The following TRIM24 variants were observed in gnomAD, a reference collection of about 807,000 sequenced individuals.
TRIM24 encodes the protein tripartite motif containing 24.
A neutral mutation model predicts 123.9 loss-of-function variants in TRIM24; 29 were observed. The ratio of observed to expected loss-of-function variants is 0.23; its 90% CI spans 0.17 to 0.32. TRIM24 has a LOEUF of 0.32. TRIM24 is among the 10% of genes least tolerant of loss of function. The probability of loss-of-function intolerance (pLI) is 1.00; values close to 1 mark genes in which losing one functional copy is unlikely to be tolerated. For synonymous variants in TRIM24, 456 were observed against 461.1 expected (o/e 0.99, Z 0.14); for missense variants, 932 against 1,295.3 (o/e 0.72, Z 4.31).
At chr7:138,481,088 G>T (rs2116477068) in intron 1 of TRIM24, among the ~76,000 whole-genome samples, 1 of 152,196 alleles carries the variant, frequency 6.6e-6, no homozygotes, top group African/African-American at 2.4e-5. Context: ...TGACCCCCAG[G>T]TTCAAGCGAT....
At chr7:138,493,024 G>A (rs528735681) in intron 1 of TRIM24, among the ~76,000 whole-genome samples, 4 of 152,120 alleles carry the variant, frequency 2.6e-5, no homozygotes, top group East Asian at 3.9e-4. Context: ...TTGTACTGCT[G>A]TATGAATTTT....
At chr7:138,544,095 T>A (rs747972875) in intron 7 of TRIM24, among the ~76,000 whole-genome samples, 1 of 152,174 alleles carries the variant, frequency 6.6e-6, no homozygotes, top group South Asian at 2.1e-4. Flanking sequence ...TACAGTGTTA[T>A]TAACTGTAGT....
At chr7:138,477,209 C>G (rs939639352) in intron 1 of TRIM24, among the ~76,000 whole-genome samples, 5 of 152,030 alleles carry the variant, frequency 3.3e-5, no homozygotes, top group African/African-American at 1.2e-4. Flanking sequence ...TAATCCCACA[C>G]TTTGGGAGGC....
chr7:138,532,058 GGTT>G (rs1796759073), intron 6 of TRIM24, among the ~76,000 whole-genome samples: 1 of 151,814 alleles, frequency 6.6e-6, no homozygotes, highest in Non-Finnish European at 1.5e-5. Context: ...TTTTTGATGG[GGTT>G]GTTTGTTTTT....
At position 138,460,791 on chromosome 7, in the gene TRIM24, CCTGCCCGCGCCCCAGCGCTACCTCATG is replaced by C. The variant is rs1375118721; in HGVS notation, c.256_282del (p.Gln86_Pro94del). 7.6e-6 allele frequency: 12 copies of C among 1,583,584 alleles called. No homozygotes were observed. The highest frequency in any genetic ancestry group is 2.4e-5 in the East Asian group (1 of 41,222). The stretch of plus-strand genomic sequence containing the variant: ...GCCTGCACTCTTTCTGCCAGCGCTG[CCTGCCCGCGCCCCAGCGCTACCTCATG>C]CTGCCCGCGCCCATGCTGGGCTCGG... On this transcript the variant is annotated inframe_deletion, in exon 1 of 19. Transcript: ENST00000343526.
chr7:138,537,379 GTTTTTTTTTTT>G lies in TRIM24; in HGVS notation c.997-1259_997-1249del, dbSNP rs71177994. 1.3e-3 allele frequency among the ~76,000 whole-genome samples: 71 copies of G among 56,632 alleles called. No homozygotes were observed. In the South Asian group the frequency reaches 0.025, roughly 20 times the overall value. 37.2% of individuals were successfully genotyped at this position (56,632 alleles called of 152,430 possible). A position where few individuals can be genotyped will look rare whatever the true frequency, so the allele number is the denominator to read the frequency against. On this transcript the variant is annotated intron_variant, in intron 6 of 18. Coordinates refer to ENST00000343526, the MANE Select transcript of TRIM24 (RefSeq NM_015905.3). The stretch of plus-strand genomic sequence containing the variant: ...AACCACTCCTCCGCCACCCCTGTTT[GTTTTTTTTTTT>G]TTTTTTTTTTTTTTTTTTGTAAAGA...
At chr7:138,503,474 T>C (rs777575973) in intron 1 of TRIM24, among the ~76,000 whole-genome samples, 3 of 152,134 alleles carry the variant, frequency 2.0e-5, no homozygotes, top group Non-Finnish European at 1.5e-5. Flanking sequence ...TTTTTTTTCA[T>C]TAAATGTTTG....
At chr7:138,480,594 T>C (rs1362479661) in intron 1 of TRIM24, among the ~76,000 whole-genome samples, 1 of 152,184 alleles carries the variant, frequency 6.6e-6, no homozygotes, top group Non-Finnish European at 1.5e-5. Flanking sequence ...TGTTCGTATA[T>C]GTGAGTCCTG....
At chr7:138,555,015 T>G in intron 9 of TRIM24, 49 bp downstream of exon 9, 5 of 1,551,154 alleles carry the variant, frequency 3.2e-6, no homozygotes, top group Non-Finnish European at 4.4e-6. Context: ...ATAGTATAAT[T>G]GTGTTTAGCA....
At position 138,584,736 on chromosome 7, in the gene TRIM24, C is replaced by G. The variant is rs1484542383; in HGVS notation, c.2944-6C>G. 6.3e-7 allele frequency: 1 copy of G among 1,592,906 alleles called. No homozygotes were observed. The highest frequency in any genetic ancestry group is 1.8e-5 in the Admixed American group (1 of 55,222). On this transcript the variant is annotated splice_region_variant and splice_polypyrimidine_tract_variant and intron_variant, in intron 18 of 18. Coordinates refer to ENST00000343526, the MANE Select transcript of TRIM24 (RefSeq NM_015905.3). ...TTTTTTACTCATTTTTATTTTTACT[C>G]CACAGCCTGATTCAGAAGTAGCCAA...
intron 1 of TRIM24, among the ~76,000 whole-genome samples, chr7:138,503,833 G>A (rs1257985348): frequency 1.3e-5 from 2 of 152,224 alleles, no homozygotes; most frequent in East Asian, 3.9e-4. Flanking sequence ...AATACTATTT[G>A]CATTTGTTAA....
chr7:138,584,983 AG>A lies in TRIM24; in HGVS notation c.*33del, dbSNP rs1198742950. 1.3e-6 allele frequency: 2 copies of A among 1,551,806 alleles called. No homozygotes were observed. The highest frequency in any genetic ancestry group is 1.7e-6 in the Non-Finnish European group (2 of 1,152,756). On this transcript the variant is annotated 3_prime_UTR_variant, in exon 19 of 19. Coordinates refer to ENST00000343526, the MANE Select transcript of TRIM24 (RefSeq NM_015905.3). ...GCACCACTAGCTTGTGCTGGTTTTT[AG>A]ATTTTTTTGTTTTCAAAAAAACATT...
chr7:138,508,138 C>T (rs1207564064), intron 2 of TRIM24, among the ~76,000 whole-genome samples: 1 of 152,078 alleles, frequency 6.6e-6, no homozygotes, highest in Non-Finnish European at 1.5e-5. Flanking sequence ...CACTTGCTTT[C>T]CTTTTCTTCC....
At chr7:138,561,419 G>A (rs1797425050) in intron 9 of TRIM24, among the ~76,000 whole-genome samples, 1 of 152,210 alleles carries the variant, frequency 6.6e-6, no homozygotes, top group African/African-American at 2.4e-5. Context: ...AAGGTAGCCA[G>A]GTTTAGGGTA....
chr7:138,504,493 T>C (rs1584705163), intron 2 of TRIM24, 85 bp downstream of exon 2: 1 of 862,870 alleles, frequency 1.2e-6, no homozygotes, highest in Non-Finnish European at 1.7e-6. Context: ...TCTCATTCAT[T>C]CTGTTGCCCA....
rs1554436687 is a variant in TRIM24, at chr7:138,508,708, C to CGTGTGTGTGCGT, written c.483+4309_483+4310insCGTGTGTGTGTG. ...GTGTGTGTGTGCGCGCGCGTGTGTG[C>CGTGTGTGTGCGT]GTGTGTGTGTGCGTGTGTGTGTGTG... is the stretch of plus-strand genomic sequence containing the variant. On this transcript the variant is annotated intron_variant, in intron 2 of 18. Transcript: ENST00000343526. 5.1e-4 allele frequency among the ~76,000 whole-genome samples: 69 copies of CGTGTGTGTGCGT among 136,192 alleles called. 1 individual carries two copies. The highest frequency in any genetic ancestry group is 9.5e-4 in the Non-Finnish European group (60 of 63,084). The allele number at this position is 136,192 out of a possible 152,430, so 89.3% of individuals were successfully genotyped here. A position where few individuals can be genotyped will look rare whatever the true frequency, so the allele number is the denominator to read the frequency against.
At chr7:138,576,505 C>A in intron 13 of TRIM24, 60 bp downstream of exon 13, 2 of 1,464,050 alleles carry the variant, frequency 1.4e-6, no homozygotes, top group Non-Finnish European at 1.9e-6. Context: ...TTTCTTTTGC[C>A]AGTGTTCAAC....
At chr7:138,551,710 G>C (rs181162555) in intron 8 of TRIM24, among the ~76,000 whole-genome samples, 91 of 152,158 alleles carry the variant, frequency 6.0e-4, no homozygotes, top group African/African-American at 2.0e-3. Context: ...TGTTCTCTTA[G>C]CTCTAAATTT....
chr7:138,531,422 G>C lies in TRIM24; in HGVS notation c.996+2192G>C, dbSNP rs1055091065. Among the ~76,000 whole-genome samples, 26 of 133,736 alleles carry C rather than the reference G, an allele frequency of 1.9e-4. No individual in the cohort carries two copies. In the South Asian group the frequency reaches 2.1e-3, roughly 11 times the overall value. The allele number at this position is 133,736 out of a possible 152,430, so 87.7% of individuals were successfully genotyped here. A position where few individuals can be genotyped will look rare whatever the true frequency, so the allele number is the denominator to read the frequency against. ...GTGATGCTCCCCTTCCTGTGTCCAA[G>C]TGTTCTCATTGTTCAATTCCCACCT... On this transcript the variant is annotated intron_variant, in intron 6 of 18. Transcript: ENST00000343526.
Sources: gnomAD v4.1 joint callset for allele counts (sites outside exome capture counted in the v4.1 genomes callset) on GRCh38, gnomAD v4.1.1 for gene constraint, MANE v1.5 for transcripts, NCBI Gene and HGNC (gene_info 2026-07-23, HGNC 2026-07-21) for gene names.